The following DGKB variants were observed in gnomAD, a reference collection of about 807,000 sequenced individuals.
The protein encoded by DGKB is 90 kDa diacylglycerol kinase.
Under a neutral mutation model 114.3 loss-of-function variants are expected in DGKB, and 67 were observed. The ratio of observed to expected loss-of-function variants is 0.59; its 90% CI spans 0.48 to 0.72. The LOEUF (loss-of-function observed/expected upper bound fraction) is 0.72. Among genes scored for constraint, DGKB ranks in the 30% least tolerant of loss-of-function variants. DGKB has a pLI of 0.00. For missense variants in DGKB, 907 were observed against 975.2 expected, an observed-to-expected ratio of 0.93 and a Z score of 0.93; for synonymous variants, 398 against 323.1, an observed-to-expected ratio of 1.23 and a Z score of -2.49.
chr7:14,472,362 A>G (rs1018741053), intron 21 of DGKB, among the ~76,000 whole-genome samples: 2 of 152,070 alleles, frequency 1.3e-5, no homozygotes, highest in South Asian at 4.1e-4. Flanking sequence ...TAGCTCTCTC[A>G]TTGCCTGCCA....
chr7:14,502,345 T>G (rs1280800432), intron 20 of DGKB, among the ~76,000 whole-genome samples: 1 of 151,914 alleles, frequency 6.6e-6, no homozygotes, highest in Non-Finnish European at 1.5e-5. Flanking sequence ...TTTTAGAATT[T>G]TATCCCCAAC....
At chr7:14,597,484 A>G (rs1464480706) in intron 17 of DGKB, among the ~76,000 whole-genome samples, 1 of 152,166 alleles carries the variant, frequency 6.6e-6, no homozygotes, top group East Asian at 1.9e-4. Context: ...TCCAAATCCA[A>G]TTATCTGCTT....
chr7:14,152,924 C>CT (rs1253411380), intron 25 of DGKB, among the ~76,000 whole-genome samples: 2 of 152,064 alleles, frequency 1.3e-5, no homozygotes, highest in Non-Finnish European at 2.9e-5. Context: ...TATTCAGGTG[C>CT]CCCCTATTTC....
intron 14 of DGKB, among the ~76,000 whole-genome samples, chr7:14,628,875 G>T (rs947820383): frequency 4.6e-5 from 7 of 151,522 alleles, no homozygotes; most frequent in African/African-American, 1.7e-4. Context: ...TATAGTGCCA[G>T]AAAAAAATAA....
At chr7:14,245,137 G>A (rs1261678907) in intron 23 of DGKB, among the ~76,000 whole-genome samples, 1 of 151,834 alleles carries the variant, frequency 6.6e-6, no homozygotes, top group African/African-American at 2.4e-5. Flanking sequence ...CAGATTTACT[G>A]TATATTAGGG....
chr7:14,385,437 A>T (rs546916264), intron 21 of DGKB, among the ~76,000 whole-genome samples: 1 of 152,346 alleles, frequency 6.6e-6, no homozygotes, highest in East Asian at 1.9e-4. Context: ...AGAAGATATC[A>T]TGGCAGAATC....
At chr7:14,323,655 A>C (rs761248126) in intron 23 of DGKB, among the ~76,000 whole-genome samples, 1 of 152,236 alleles carries the variant, frequency 6.6e-6, no homozygotes. Flanking sequence ...GAGAATATCA[A>C]TGCAAAGGCT....
intron 4 of DGKB, among the ~76,000 whole-genome samples, chr7:14,741,135 G>A (rs956237401): frequency 6.6e-6 from 1 of 152,074 alleles, no homozygotes; most frequent in African/African-American, 2.4e-5. Context: ...ACTCCTCTCG[G>A]ATGCATCCTT....
At chr7:14,661,041 A>T (rs990908901) in intron 13 of DGKB, among the ~76,000 whole-genome samples, 4 of 150,878 alleles carry the variant, frequency 2.7e-5, no homozygotes, top group Non-Finnish European at 5.9e-5. Flanking sequence ...TACACCTTAT[A>T]CAAAAATCAA....
At chr7:14,713,024 C>T (rs912010175) in intron 6 of DGKB, among the ~76,000 whole-genome samples, 2 of 152,028 alleles carry the variant, frequency 1.3e-5, no homozygotes, top group African/African-American at 4.8e-5. Context: ...TATGGGTATA[C>T]CTGCTTCAAT....
intron 2 of DGKB, among the ~76,000 whole-genome samples, chr7:14,833,416 G>T (rs964874410): frequency 6.6e-6 from 1 of 151,878 alleles, no homozygotes; most frequent in African/African-American, 2.4e-5. Context: ...TTATGTTTAT[G>T]TTTGTGTTTT....
At chr7:14,542,339 A>G (rs1194518952) in intron 20 of DGKB, among the ~76,000 whole-genome samples, 1 of 151,918 alleles carries the variant, frequency 6.6e-6, no homozygotes. Flanking sequence ...TTTTAGGATC[A>G]TCTCCTTCTC....
At chr7:14,594,279 A>T (rs1177934761) in intron 17 of DGKB, among the ~76,000 whole-genome samples, 1 of 152,098 alleles carries the variant, frequency 6.6e-6, no homozygotes, top group Non-Finnish European at 1.5e-5. Context: ...ATTTATGGTC[A>T]TGCTACATGA....
chr7:14,595,915 G>T (rs914852500), intron 17 of DGKB, among the ~76,000 whole-genome samples: 2 of 151,986 alleles, frequency 1.3e-5, no homozygotes, highest in South Asian at 4.1e-4. Flanking sequence ...TGTTAAATAC[G>T]TGAAAATCAA....
chr7:14,285,272 C>G (rs546261374), intron 23 of DGKB, among the ~76,000 whole-genome samples: 1 of 152,252 alleles, frequency 6.6e-6, no homozygotes, highest in South Asian at 2.1e-4. Flanking sequence ...AAAAGACGTG[C>G]AACTTACTAG....
intron 2 of DGKB, among the ~76,000 whole-genome samples, chr7:14,823,159 CAG>C (rs1562630506): frequency 6.6e-6 from 1 of 151,406 alleles, no homozygotes; most frequent in Non-Finnish European, 1.5e-5. Flanking sequence ...TGTAAAGAAA[CAG>C]TGAGATTTCT....
chr7:14,340,319 G>C (rs1300162196), intron 22 of DGKB, among the ~76,000 whole-genome samples: 1 of 151,476 alleles, frequency 6.6e-6, no homozygotes, highest in Non-Finnish European at 1.5e-5. Context: ...ATAATTAAAA[G>C]TAATCTTGTG....
chr7:14,914,451 AAATG>A (rs1784140565), intron 1 of DGKB, among the ~76,000 whole-genome samples: 1 of 152,192 alleles, frequency 6.6e-6, no homozygotes, highest in Non-Finnish European at 1.5e-5. Context: ...AAACGAAAGA[AAATG>A]AATCTAGGAG....
At chr7:14,812,436 T>C (rs1215530798) in intron 2 of DGKB, among the ~76,000 whole-genome samples, 1 of 152,132 alleles carries the variant, frequency 6.6e-6, no homozygotes, top group Non-Finnish European at 1.5e-5. Flanking sequence ...ATAGTCCTTC[T>C]TCCTAATAGA....
Sources: gnomAD v4.1 joint callset for allele counts (sites outside exome capture counted in the v4.1 genomes callset) on GRCh38, gnomAD v4.1.1 for gene constraint, MANE v1.5 for transcripts, NCBI Gene and HGNC (gene_info 2026-07-23, HGNC 2026-07-21) for gene names.